The following SIN3B variants were observed in gnomAD, a reference collection of about 807,000 sequenced individuals.
SIN3B encodes the protein paired amphipathic helix protein Sin3b.
SIN3B carries 19 observed loss-of-function variants against 120.2 expected under a neutral mutation model. The ratio of observed to expected loss-of-function variants is 0.16; its 90% CI spans 0.11 to 0.23. The LOEUF is 0.23. SIN3B is among the 10% of genes least tolerant of loss of function. The probability of loss-of-function intolerance (pLI) is 1.00; values close to 1 mark genes in which losing one functional copy is unlikely to be tolerated. For missense variants in SIN3B, 1,073 were observed against 1,573.0 expected, an observed-to-expected ratio of 0.68 and a Z score of 5.38; for synonymous variants, 654 against 653.2, an observed-to-expected ratio of 1.00 and a Z score of -0.02.
intron 9 of SIN3B, chr19:16,863,218 T>C (rs1971713826): frequency 1.9e-6 from 1 of 530,544 alleles, no homozygotes; most frequent in Non-Finnish European, 3.4e-6. Flanking sequence ...GATCTGCAAG[T>C]TCCTCATCTG....
intron 4 of SIN3B, among the ~76,000 whole-genome samples, chr19:16,845,078 A>G (rs151233456): frequency 5.9e-5 from 9 of 152,322 alleles, no homozygotes; most frequent in Admixed American, 5.9e-4. Flanking sequence ...TCATGCTCAA[A>G]TTATTCCCAG....
chr19:16,855,627 A>C (rs1971605361), intron 8 of SIN3B: 1 of 152,316 alleles, frequency 6.6e-6, no homozygotes, highest in South Asian at 2.1e-4. Context: ...AGGCTGAGGC[A>C]GGAGAATCGC....
chr19:16,856,529 A>G (rs1266160237), intron 8 of SIN3B, among the ~76,000 whole-genome samples: 2 of 152,138 alleles, frequency 1.3e-5, no homozygotes, highest in African/African-American at 4.8e-5. Context: ...ACAAACTTGG[A>G]TCTTTCCTAA....
chr19:16,865,396 C>T lies in SIN3B; in HGVS notation c.1384-14C>T, dbSNP rs1971754000. The T allele has an allele frequency of 6.3e-7, 1 of 1,574,914 alleles. No homozygotes were observed. Among genetic ancestry groups the T allele is most frequent in the East Asian group, 2.3e-5 (1 of 43,848 alleles). On this transcript the variant is annotated splice_polypyrimidine_tract_variant and intron_variant, in intron 10 of 18. Coordinates refer to ENST00000248054, the MANE Select transcript of SIN3B (RefSeq NM_001297595.2). ...TCCCCAGTGGCTGACCCCGTCCTGC[C>T]TTCCTTTCCATAGTTAGACGTTGTC...
intron 8 of SIN3B, among the ~76,000 whole-genome samples, chr19:16,857,428 A>C (rs1004838930): frequency 1.3e-5 from 2 of 151,174 alleles, no homozygotes; most frequent in African/African-American, 4.9e-5. Flanking sequence ...AGCAAGCTGG[A>C]CTTTTTTTTT....
Position 16,879,793 on chromosome 19 carries a change from C to T in SIN3B, c.*1066C>T, listed in dbSNP as rs2051670461. 1 of 152,478 alleles carries T rather than the reference C, an allele frequency of 6.6e-6. No homozygotes were observed. Among genetic ancestry groups the T allele is most frequent in the Non-Finnish European group, 1.5e-5 (1 of 68,306 alleles). 9.4% of individuals were successfully genotyped at this position (152,478 alleles called of 1,614,324 possible). A position where few individuals can be genotyped will look rare whatever the true frequency, so the allele number is the denominator to read the frequency against. On this transcript the variant is annotated 3_prime_UTR_variant, in exon 19 of 19. Transcript: ENST00000248054. Reference sequence around the variant, plus strand: ...CCAAGGCTTTCTGTGCCAAGAATCCCAAGTGACTGGGGCTGGGGACCACTT... The same window carrying T: ...CCAAGGCTTTCTGTGCCAAGAATCCTAAGTGACTGGGGCTGGGGACCACTT...
intron 9 of SIN3B, chr19:16,863,004 C>T: frequency 6.5e-7 from 1 of 1,543,424 alleles, no homozygotes; most frequent in Non-Finnish European, 9.0e-7. Context: ...GCCCACGGGC[C>T]CTGGCCCGCT....
Position 16,842,920 on chromosome 19 carries a change from G to A in SIN3B, c.582+952G>A. Among the ~76,000 whole-genome samples, 2 of 152,184 alleles carry A rather than the reference G, an allele frequency of 1.3e-5. 1 individual carries two copies. Among genetic ancestry groups the A allele is most frequent in the Non-Finnish European group, 2.9e-5 (2 of 68,032 alleles). On this transcript the variant is annotated intron_variant, in intron 4 of 18. Coordinates refer to ENST00000248054, the MANE Select transcript of SIN3B (RefSeq NM_001297595.2). The stretch of plus-strand genomic sequence containing the variant: ...GTGGACATTCTTGGTGCCAGGAATG[G>A]CCTGTGCAAAGGTCCAGAGACCAGA...
At chr19:16,848,771 G>A (rs1287551330) in intron 5 of SIN3B, among the ~76,000 whole-genome samples, 1 of 152,172 alleles carries the variant, frequency 6.6e-6, no homozygotes, top group African/African-American at 2.4e-5. Context: ...AAAGTGCTGG[G>A]ATTACAGGTG....
At position 16,853,726 on chromosome 19, in the gene SIN3B, G is replaced by A. The variant is rs1255792265; in HGVS notation, c.940-417G>A. ...CGTGCACGGGCTGCGTGAATTGCACGGATCACATGCACGAACTGAATTGCT... is the reference window on the plus strand; with the variant it reads ...CGTGCACGGGCTGCGTGAATTGCACAGATCACATGCACGAACTGAATTGCT... On this transcript the variant is annotated intron_variant, in intron 7 of 18. Coordinates refer to ENST00000248054, the MANE Select transcript of SIN3B (RefSeq NM_001297595.2). Among the ~76,000 whole-genome samples, 4 of 146,298 alleles carry A rather than the reference G, an allele frequency of 2.7e-5. No individual in the cohort carries two copies. In the East Asian group the frequency reaches 8.2e-4, roughly 30 times the overall value.
At chr19:16,837,258 C>G (rs950053601) in intron 3 of SIN3B, among the ~76,000 whole-genome samples, 6 of 151,946 alleles carry the variant, frequency 3.9e-5, no homozygotes, top group African/African-American at 1.5e-4. Flanking sequence ...CTGGATGGTT[C>G]TGGGAGGCGG....
At chr19:16,871,513 T>C (rs1299170665) in intron 14 of SIN3B, 115 bp downstream of exon 14, 1 of 975,430 alleles carries the variant, frequency 1.0e-6, no homozygotes, top group Non-Finnish European at 1.5e-6. Context: ...ATCCTGTTTT[T>C]TCTTAATTGA....
chr19:16,865,299 T>TAC (rs970798377), intron 10 of SIN3B, 111 bp from the exon 11 acceptor site: 1 of 542,602 alleles, frequency 1.8e-6, no homozygotes, highest in South Asian at 1.8e-5. Context: ...ATCTCTTAAA[T>TAC]ACACACACCC....
intron 14 of SIN3B, 95 bp from the exon 15 acceptor site, chr19:16,875,960 G>A: frequency 2.2e-6 from 3 of 1,393,366 alleles, no homozygotes; most frequent in Non-Finnish European, 2.9e-6. Flanking sequence ...TCTCCATCCT[G>A]ATGTGTTTCT....
intron 12 of SIN3B, among the ~76,000 whole-genome samples, chr19:16,867,307 G>A (rs541919509): frequency 3.9e-5 from 6 of 152,340 alleles, no homozygotes; most frequent in Admixed American, 2.6e-4. Context: ...GGTCGCAGGG[G>A]GCCAGGGCTC....
At chr19:16,865,315 C>CCCG in intron 10 of SIN3B, 95 bp from the exon 11 acceptor site, 1 of 550,858 alleles carries the variant, frequency 1.8e-6, no homozygotes, top group South Asian at 1.8e-5. Flanking sequence ...CACCCCCCCC[C>CCCG]CAAAAAAATC....
chr19:16,837,916 C>T (rs1367789860), intron 3 of SIN3B, among the ~76,000 whole-genome samples: 1 of 152,128 alleles, frequency 6.6e-6, no homozygotes, highest in Non-Finnish European at 1.5e-5. Context: ...CCATTTGAGG[C>T]TCTGTTAATC....
At position 16,862,178 on chromosome 19, in the gene SIN3B, G is replaced by A. The variant is rs557457135; in HGVS notation, c.1059-174G>A. Reference sequence around the variant, plus strand: ...GAGGCCCATTCATTCACACACCCCGGGACTTGCAGTGACTTCCTGTGTATT... The same window carrying A: ...GAGGCCCATTCATTCACACACCCCGAGACTTGCAGTGACTTCCTGTGTATT... On this transcript the variant is annotated intron_variant, in intron 8 of 18. Transcript: ENST00000248054. The surrounding 1 kb of genome is among the most constrained non-coding windows in gnomAD (Gnocchi z 4.7). 2.8e-4 allele frequency among the ~76,000 whole-genome samples: 42 copies of A among 152,122 alleles called. No homozygotes were observed. Among genetic ancestry groups the A allele is most frequent in the Admixed American group, 4.6e-4 (7 of 15,276 alleles).
chr19:16,862,428 G>T lies in SIN3B; in HGVS notation c.1135G>T (p.Asp379Tyr). Reference sequence around the variant, plus strand: ...GCTGTCCTTCGCGCCACCCATGAGCGACAGATCCGGGGACGGGATAAGCCG... The same window carrying T: ...GCTGTCCTTCGCGCCACCCATGAGCTACAGATCCGGGGACGGGATAAGCCG... ...KELSFAPPMS[D>Y]RSGDGISREI... Residue 379 changes from aspartate to tyrosine, a missense_variant, in exon 9 of 19, where the codon GAC (aspartate) becomes TAC (tyrosine). Transcript: ENST00000248054. This position sits in a 1 kb window ranked among gnomAD's most constrained non-coding sequence, Gnocchi z 4.7. 6.2e-7 allele frequency: 1 copy of T among 1,614,138 alleles called. No individual in the cohort carries two copies. Among genetic ancestry groups the T allele is most frequent in the Non-Finnish European group, 8.5e-7 (1 of 1,180,032 alleles).
Sources: gnomAD v4.1 joint callset for allele counts (sites outside exome capture counted in the v4.1 genomes callset) on GRCh38, gnomAD v4.1.1 for gene constraint, Gnocchi (gnomAD v3.1) non-coding constraint, MANE v1.5 for transcripts, NCBI Gene and HGNC (gene_info 2026-07-23, HGNC 2026-07-21) for gene names.